The following HSD17B11 variants were observed in gnomAD, a reference collection of about 807,000 sequenced individuals.
HSD17B11 encodes the protein hydroxysteroid 17-beta dehydrogenase 11.
HSD17B11 carries 22 observed loss-of-function variants against 27.8 expected under a neutral mutation model. The observed-to-expected ratio is 0.79, with a 90% CI of 0.56 to 1.13. The LOEUF (loss-of-function observed/expected upper bound fraction) is 1.13, where lower values mean the gene tolerates loss of function less well. Ranked by LOEUF, HSD17B11 falls within the 50% of genes most tolerant of loss-of-function variation. HSD17B11 has a pLI of 0.00. For missense variants in HSD17B11, 314 were observed against 351.1 expected, an observed-to-expected ratio of 0.89 and a Z score of 0.84; for synonymous variants, 117 against 132.8, an observed-to-expected ratio of 0.88 and a Z score of 0.82.
intron 4 of HSD17B11, among the ~76,000 whole-genome samples, chr4:87,368,717 C>T (rs1735653575): frequency 1.3e-5 from 2 of 152,142 alleles, no homozygotes; most frequent in African/African-American, 4.8e-5. Flanking sequence ...AAACAGGTTA[C>T]AGTAAAGGAG....
chr4:87,382,991 T>A (rs1720214716), intron 1 of HSD17B11, among the ~76,000 whole-genome samples: 1 of 152,200 alleles, frequency 6.6e-6, no homozygotes, highest in Non-Finnish European at 1.5e-5. Context: ...TTCAACCTAA[T>A]ACATTGTGAT....
At chr4:87,381,775 AAG>A (rs1334427174) in intron 2 of HSD17B11, among the ~76,000 whole-genome samples, 5 of 139,052 alleles carry the variant, frequency 3.6e-5, no homozygotes, top group African/African-American at 1.1e-4. Flanking sequence ...AAAAAAAAAA[AAG>A]AGAAAAGAAA....
rs374144470 is a variant in HSD17B11 at position 87,391,077 on chromosome 4, T to C, written c.-7A>G. The C allele has an allele frequency of 1.4e-4, 219 of 1,601,998 alleles. No individual in the cohort carries two copies. Among genetic ancestry groups the C allele is most frequent in the South Asian group, 2.6e-4 (23 of 89,102 alleles). On this transcript the variant is annotated 5_prime_UTR_variant, in exon 1 of 7. Transcript: ENST00000358290. ...TGTCCAGAAGAAATTTCATCCCTTT[T>C]GTGGCTGCGAGCGTTTGGTGTGTTT...
intron 4 of HSD17B11, among the ~76,000 whole-genome samples, chr4:87,363,946 G>A (rs535077889): frequency 7.9e-5 from 12 of 152,148 alleles, no homozygotes; most frequent in Non-Finnish European, 1.5e-4. Context: ...AATATTGGCC[G>A]CTTGGCATGG....
intron 4 of HSD17B11, 139 bp downstream of exon 4, chr4:87,372,570 T>G: frequency 1.7e-6 from 1 of 596,880 alleles, no homozygotes. Context: ...TTTCTGCTTA[T>G]TTTTTGACAA....
chr4:87,365,257 C>T (rs7691791), intron 4 of HSD17B11, among the ~76,000 whole-genome samples: 52,201 of 152,090 alleles, frequency 0.34, 9,678 homozygotes, highest in African/African-American at 0.5. Flanking sequence ...AAGCTCTAAT[C>T]AATTGACTTA....
chr4:87,376,082 G>C (rs956149663), intron 2 of HSD17B11, among the ~76,000 whole-genome samples: 1 of 152,174 alleles, frequency 6.6e-6, no homozygotes. Context: ...AGCTAACACT[G>C]TATCTAGTAC....
chr4:87,391,026 G>A lies in HSD17B11; in HGVS notation c.45C>T (p.Ile15=). 6.2e-7 allele frequency: 1 copy of A among 1,613,680 alleles called. No homozygotes were observed. The change falls in exon 1 of 7, where the codon ATC becomes ATT. Residue 15 remains isoleucine (I), a synonymous_variant. Coordinates refer to ENST00000358290, the MANE Select transcript of HSD17B11 (RefSeq NM_016245.5). ...LDILLLLPLL[I]VCSLESFVKL... is the part of the protein sequence containing the mutation. ...TCACGAAGGACTCTAGGGAGCAGAC[G>A]ATCAGTAACGGGAGAAGCAGGAGGA... is the stretch of plus-strand genomic sequence containing the variant.
intron 2 of HSD17B11, among the ~76,000 whole-genome samples, chr4:87,376,429 C>T (rs547400997): frequency 1.4e-5 from 2 of 146,122 alleles, no homozygotes; most frequent in East Asian, 2.0e-4. Flanking sequence ...CGCTTGAACC[C>T]AGGAGGCGGA....
At chr4:87,385,590 T>C (rs1301353155) in intron 1 of HSD17B11, among the ~76,000 whole-genome samples, 4 of 152,146 alleles carry the variant, frequency 2.6e-5, no homozygotes, top group Admixed American at 2.6e-4. Flanking sequence ...TTATGTCATA[T>C]ATTTTACCAT....
Position 87,357,355 on chromosome 4 carries a change from G to T in HSD17B11, c.619C>A (p.Gln207Lys). The change falls in exon 5 of 7, where the codon CAA becomes AAA. Residue 207 changes from glutamine to lysine, a missense_variant. Coordinates refer to ENST00000358290, the MANE Select transcript of HSD17B11 (RefSeq NM_016245.5). ...KTLTDELAAL[Q>K]ITGVKTTCLC... is the part of the protein sequence containing the mutation. ...CATGTTGTTTTGACTCCAGTTATTT[G>T]TAAGGCAGCCAGTTCATCTGTCAAA... 1 of 1,613,730 alleles carries T rather than the reference G, an allele frequency of 6.2e-7. No individual in the cohort carries two copies. The highest frequency in any genetic ancestry group is 8.5e-7 in the Non-Finnish European group (1 of 1,179,860).
At chr4:87,383,746 CTTT>C (rs397946047) in intron 1 of HSD17B11, among the ~76,000 whole-genome samples, 4 of 111,634 alleles carry the variant, frequency 3.6e-5, no homozygotes, top group Non-Finnish European at 6.1e-5. Context: ...CAATTTTTGC[CTTT>C]TTTTTTTTTT....
intron 4 of HSD17B11, among the ~76,000 whole-genome samples, chr4:87,363,853 T>TGTCTATG (rs1735568775): frequency 6.6e-6 from 1 of 152,230 alleles, no homozygotes; most frequent in Non-Finnish European, 1.5e-5. Context: ...ATGTGTCTAT[T>TGTCTATG]CTCTTCTCCT....
In HSD17B11 at chr4:87,378,873, TATATATAA is replaced by T. The variant is rs1560769214; in HGVS notation, c.318+3374_318+3381del. Among the ~76,000 whole-genome samples, 26 of 16,342 alleles carry T rather than the reference TATATATAA, an allele frequency of 1.6e-3. 1 individual carries two copies. Among genetic ancestry groups the T allele is most frequent in the Admixed American group, 7.7e-3 (7 of 906 alleles). 10.7% of individuals were successfully genotyped at this position (16,342 alleles called of 152,430 possible). A position where few individuals can be genotyped will look rare whatever the true frequency, so the allele number is the denominator to read the frequency against. ...ATATATATAAATATATATAAATATA[TATATATAA>T]ATATATATATATAAATATATATAAA... On this transcript the variant is annotated intron_variant, in intron 2 of 6. Coordinates refer to ENST00000358290, the MANE Select transcript of HSD17B11 (RefSeq NM_016245.5).
In HSD17B11 at chr4:87,389,671, A is replaced by G. The variant is rs114086831; in HGVS notation, c.210+1190T>C. Among the ~76,000 whole-genome samples, 828 of 152,290 alleles carry G rather than the reference A, an allele frequency of 5.4e-3. 7 individuals are homozygous for G. The highest frequency in any genetic ancestry group is 0.019 in the African/African-American group (801 of 41,562). On this transcript the variant is annotated intron_variant, in intron 1 of 6. Transcript: ENST00000358290. Reference sequence around the variant, plus strand: ...TCTTCATCAGCCACTCACTGGGTTAACCCTCATTTAACTTCACATCCTTTG... The same window carrying G: ...TCTTCATCAGCCACTCACTGGGTTAGCCCTCATTTAACTTCACATCCTTTG...
intron 1 of HSD17B11, among the ~76,000 whole-genome samples, chr4:87,388,569 C>T (rs898512593): frequency 5.3e-5 from 8 of 152,216 alleles, no homozygotes; most frequent in Non-Finnish European, 7.3e-5. Context: ...CTGGCCACCA[C>T]TGTAAAGTCA....
chr4:87,377,837 A>G (rs1254059735), intron 2 of HSD17B11, among the ~76,000 whole-genome samples: 3 of 152,306 alleles, frequency 2.0e-5, no homozygotes, highest in African/African-American at 7.2e-5. Context: ...CAAATAGCCT[A>G]TGAGGGGCTT....
At chr4:87,357,081 CT>C (rs1560761052) in intron 5 of HSD17B11, among the ~76,000 whole-genome samples, 197 bp downstream of exon 5, 1 of 152,194 alleles carries the variant, frequency 6.6e-6, no homozygotes, top group African/African-American at 2.4e-5. Flanking sequence ...TTCATATTTA[CT>C]TTTTTAGTCA....
intron 2 of HSD17B11, among the ~76,000 whole-genome samples, chr4:87,381,532 T>C (rs1312025889): frequency 6.6e-6 from 1 of 151,676 alleles, no homozygotes; most frequent in African/African-American, 2.4e-5. Flanking sequence ...CTGAGGTGGG[T>C]GGATCCCCTG....
Sources: gnomAD v4.1 joint callset for allele counts (sites outside exome capture counted in the v4.1 genomes callset) on GRCh38, gnomAD v4.1.1 for gene constraint, MANE v1.5 for transcripts, NCBI Gene and HGNC (gene_info 2026-07-23, HGNC 2026-07-21) for gene names.